The following SND1 variants were observed in gnomAD, a reference collection of about 807,000 sequenced individuals.
The protein encoded by SND1 is staphylococcal nuclease domain-containing protein 1.
SND1 carries 38 observed loss-of-function variants against 121.7 expected under a neutral mutation model. The observed-to-expected ratio is 0.31, with a 90% CI of 0.24 to 0.41. The LOEUF is 0.41. Ranked by LOEUF, SND1 falls within the 10% of genes least tolerant of loss-of-function variation. The probability of loss-of-function intolerance (pLI) is 1.00; values close to 1 mark genes in which losing one functional copy is unlikely to be tolerated. For synonymous variants in SND1, 401 were observed against 447.4 expected (o/e 0.90, Z 1.31); for missense variants, 868 against 1,184.6 (o/e 0.73, Z 3.92).
At chr7:127,978,259 G>T (rs1424542264) in intron 15 of SND1, among the ~76,000 whole-genome samples, 1 of 152,242 alleles carries the variant, frequency 6.6e-6, no homozygotes, top group Non-Finnish European at 1.5e-5. Context: ...TCACTAAGGG[G>T]TTGGCGCTCA....
At chr7:127,923,529 TC>T (rs533754420) in intron 14 of SND1, among the ~76,000 whole-genome samples, 3 of 152,160 alleles carry the variant, frequency 2.0e-5, no homozygotes, top group Middle Eastern at 3.4e-3. Flanking sequence ...CAGAGTATCC[TC>T]CCCCCGCAGG....
intron 10 of SND1, among the ~76,000 whole-genome samples, chr7:127,805,172 T>A (rs1477490010): frequency 6.6e-6 from 1 of 152,216 alleles, no homozygotes; most frequent in Non-Finnish European, 1.5e-5. Flanking sequence ...TTAACCAGGA[T>A]TCCCCTAACC....
chr7:127,680,658 T>A (rs1795706523), intron 1 of SND1, among the ~76,000 whole-genome samples: 1 of 151,874 alleles, frequency 6.6e-6, no homozygotes, highest in Non-Finnish European at 1.5e-5. Context: ...TGTTATCCTG[T>A]TCTTTTTTCA....
chr7:127,703,757 G>A (rs1194154765), intron 7 of SND1, among the ~76,000 whole-genome samples: 2 of 152,124 alleles, frequency 1.3e-5, no homozygotes, highest in Admixed American at 1.3e-4. Flanking sequence ...GCTGATTTTT[G>A]AGGCATTTTC....
chr7:128,037,542 T>C (rs1308455970), intron 16 of SND1, among the ~76,000 whole-genome samples: 1 of 152,226 alleles, frequency 6.6e-6, no homozygotes, highest in Non-Finnish European at 1.5e-5. Flanking sequence ...ATTACAGTGA[T>C]AGAGCCAGGT....
intron 16 of SND1, among the ~76,000 whole-genome samples, chr7:128,041,352 C>G (rs1449405709): frequency 6.6e-6 from 1 of 152,170 alleles, no homozygotes; most frequent in Non-Finnish European, 1.5e-5. Flanking sequence ...CAGCCCAGCG[C>G]CCACACCACT....
chr7:127,846,994 G>A (rs908950426), intron 12 of SND1, among the ~76,000 whole-genome samples: 6 of 151,768 alleles, frequency 4.0e-5, no homozygotes, highest in Admixed American at 1.3e-4. Flanking sequence ...TTGGCCAGGC[G>A]CGATGGCTCA....
chr7:128,023,019 C>G (rs1803393344), intron 16 of SND1, among the ~76,000 whole-genome samples: 1 of 152,182 alleles, frequency 6.6e-6, no homozygotes, highest in South Asian at 2.1e-4. Flanking sequence ...TGCTTTTCTT[C>G]TCCTCTGTTT....
At chr7:128,046,331 T>A (rs915898108) in intron 16 of SND1, among the ~76,000 whole-genome samples, 3 of 151,350 alleles carry the variant, frequency 2.0e-5, no homozygotes, top group African/African-American at 7.3e-5. Flanking sequence ...TGGGGTTTTT[T>A]GTTTTTTTGG....
chr7:127,924,288 T>C (rs187673900), intron 14 of SND1, among the ~76,000 whole-genome samples: 52 of 152,322 alleles, frequency 3.4e-4, no homozygotes, highest in African/African-American at 1.2e-3. Flanking sequence ...TTGTAGTTCA[T>C]TTTCCTGTGA....
At chr7:128,069,387 A>AC (rs769174362) in intron 16 of SND1, among the ~76,000 whole-genome samples, 1 of 152,058 alleles carries the variant, frequency 6.6e-6, no homozygotes, top group Non-Finnish European at 1.5e-5. Context: ...AGTGCACAGG[A>AC]CCCCTCCTCA....
chr7:127,773,425 C>T (rs977354627), intron 10 of SND1, among the ~76,000 whole-genome samples: 1 of 149,600 alleles, frequency 6.7e-6, no homozygotes, highest in South Asian at 2.1e-4. Flanking sequence ...GCACTCTAGC[C>T]TGGGTGACAC....
chr7:128,005,596 A>G (rs1802954856), intron 16 of SND1, among the ~76,000 whole-genome samples: 1 of 152,222 alleles, frequency 6.6e-6, no homozygotes, highest in Admixed American at 6.5e-5. Flanking sequence ...CTACCAAGCC[A>G]CCAGTGACCT....
chr7:127,678,363 A>C (rs1795650318), intron 1 of SND1, among the ~76,000 whole-genome samples: 1 of 151,724 alleles, frequency 6.6e-6, no homozygotes, highest in Admixed American at 6.6e-5. Context: ...TGAGATTTAA[A>C]CTCCGTATAT....
chr7:127,899,277 AAC>A (rs3840645), intron 13 of SND1, among the ~76,000 whole-genome samples: 79 of 149,298 alleles, frequency 5.3e-4, no homozygotes, highest in Non-Finnish European at 7.0e-4. Flanking sequence ...ACCTGCACAC[AAC>A]ACACACACAC....
intron 11 of SND1, among the ~76,000 whole-genome samples, chr7:127,814,957 G>A (rs1798404755): frequency 6.6e-6 from 1 of 152,100 alleles, no homozygotes. Context: ...TGAGCCCCTT[G>A]TTTTAATGTA....
chr7:127,712,483 C>T (rs893296056), intron 9 of SND1, among the ~76,000 whole-genome samples: 2 of 152,188 alleles, frequency 1.3e-5, no homozygotes, highest in African/African-American at 4.8e-5. Context: ...TGAAATCCAT[C>T]TGCTTCTTAC....
intron 12 of SND1, among the ~76,000 whole-genome samples, chr7:127,855,733 C>T (rs1393971497): frequency 6.6e-6 from 1 of 152,132 alleles, no homozygotes; most frequent in Non-Finnish European, 1.5e-5. Context: ...TTTCTCTGTC[C>T]TCTTTCCCAC....
intron 16 of SND1, chr7:128,030,727 G>A: frequency 2.1e-6 from 3 of 1,460,638 alleles, no homozygotes; most frequent in East Asian, 2.3e-5. Context: ...TGAGCTAGGA[G>A]CTCCTCTTTC....
Sources: gnomAD v4.1 joint callset for allele counts (sites outside exome capture counted in the v4.1 genomes callset) on GRCh38, gnomAD v4.1.1 for gene constraint, MANE v1.5 for transcripts, NCBI Gene and HGNC (gene_info 2026-07-23, HGNC 2026-07-21) for gene names.